ROR2: variants seen among roughly 807,000 people sequenced by gnomAD.
The protein encoded by ROR2 is tyrosine-protein kinase transmembrane receptor ROR2.
ROR2 carries 33 observed loss-of-function variants against 74.9 expected under a neutral mutation model. The ratio of observed to expected loss-of-function variants is 0.44; its 90% CI spans 0.33 to 0.59. The LOEUF (loss-of-function observed/expected upper bound fraction) is 0.59. Ranked by LOEUF, ROR2 falls within the 20% of genes least tolerant of loss-of-function variation. The probability of loss-of-function intolerance (pLI) is 0.02; values close to 1 mark genes in which losing one functional copy is unlikely to be tolerated. For synonymous variants in ROR2, 586 were observed against 558.7 expected (o/e 1.05, Z -0.69); for missense variants, 1,216 against 1,313.8 (o/e 0.93, Z 1.15).
In ROR2 at chr9:91,949,980, G is replaced by T. The variant is rs1433022010; in HGVS notation, c.-17C>A. On this transcript the variant is annotated 5_prime_UTR_variant, in exon 1 of 9. Coordinates refer to ENST00000375708, the MANE Select transcript of ROR2 (RefSeq NM_004560.4). The stretch of plus-strand genomic sequence containing the variant: ...CCGGGCCATGCCGCAGGCAGTGGGG[G>T]CCGGGAAGCCCTCAGAGCTTCGGGC... 8 of 1,407,240 alleles carry T rather than the reference G, an allele frequency of 5.7e-6. No individual in the cohort carries two copies. Among genetic ancestry groups the T allele is most frequent in the Non-Finnish European group, 2.8e-6 (3 of 1,080,080 alleles). The allele number at this position is 1,407,240 out of a possible 1,614,324, so 87.2% of individuals were successfully genotyped here. A position where few individuals can be genotyped will look rare whatever the true frequency, so the allele number is the denominator to read the frequency against.
chr9:91,947,540 A>G (rs1270768268), intron 1 of ROR2, among the ~76,000 whole-genome samples: 6 of 152,186 alleles, frequency 3.9e-5, no homozygotes, highest in African/African-American at 1.4e-4. Context: ...TTTCTTCTAG[A>G]CGGATCACTA....
chr9:91,907,807 A>G (rs1397080909), intron 1 of ROR2, among the ~76,000 whole-genome samples: 1 of 152,194 alleles, frequency 6.6e-6, no homozygotes, highest in Admixed American at 6.5e-5. Context: ...TTGAGTCATG[A>G]GCTTCCTGCC....
At chr9:91,814,542 T>C (rs1827865368) in intron 1 of ROR2, among the ~76,000 whole-genome samples, 1 of 152,140 alleles carries the variant, frequency 6.6e-6, no homozygotes, top group African/African-American at 2.4e-5. Context: ...AAAAATAACA[T>C]CACTATAAGC....
In ROR2 at chr9:91,724,260, C is replaced by G; in HGVS notation, c.2234G>C (p.Arg745Pro). 1.2e-6 allele frequency: 2 copies of G among 1,613,478 alleles called. No homozygotes were observed. The highest frequency in any genetic ancestry group is 1.7e-6 in the Non-Finnish European group (2 of 1,180,008). The change falls in exon 9 of 9, where the codon CGG (arginine) becomes CCG (proline). Residue 745 changes from arginine (R) to proline (P), a missense_variant. By Grantham distance (103) the Arg-to-Pro change is moderately radical (BLOSUM62 -2). Transcript: ENST00000375708. ...GGAAAGGTTGCCCCAGGCTCGGAGC[C>G]GGCTGTGGATGTCCTTGAAGCGGGG... The part of the protein sequence containing the change: ...RRPRFKDIHS[R>P]LRAWGNLSNY...
chr9:91,782,431 T>C (rs562822544), intron 1 of ROR2, among the ~76,000 whole-genome samples: 2 of 152,058 alleles, frequency 1.3e-5, no homozygotes, highest in African/African-American at 4.8e-5. Context: ...GAAAAGAAAC[T>C]GCATTATCCT....
chr9:91,793,470 C>CT (rs1396976086), intron 1 of ROR2, among the ~76,000 whole-genome samples: 4 of 151,800 alleles, frequency 2.6e-5, no homozygotes, highest in African/African-American at 9.7e-5. Flanking sequence ...CATGAGTGAA[C>CT]AGCTCTGTTC....
intron 1 of ROR2, among the ~76,000 whole-genome samples, chr9:91,880,696 A>G (rs1398157909): frequency 6.6e-6 from 1 of 152,260 alleles, no homozygotes; most frequent in African/African-American, 2.4e-5. Context: ...TGTTTCTGCA[A>G]TGGGCCTGCC....
rs894711143 is a variant in ROR2 at position 91,800,215 on chromosome 9, G to A, written c.98-24397C>T. ...AAATTAGCCGGGGGCGGTGGCACAC[G>A]CCTATAATCCCAGCTACTCAGGAGG... On this transcript the variant is annotated intron_variant, in intron 1 of 8. Transcript: ENST00000375708. 3.9e-5 allele frequency among the ~76,000 whole-genome samples: 6 copies of A among 151,954 alleles called. No individual in the cohort carries two copies. In the East Asian group the frequency reaches 7.7e-4, roughly 20 times the overall value.
chr9:91,941,732 T>C (rs1475310974), intron 1 of ROR2, among the ~76,000 whole-genome samples: 2 of 152,134 alleles, frequency 1.3e-5, no homozygotes, highest in Admixed American at 6.5e-5. Context: ...TGTGGTGTAC[T>C]GTATTGTACT....
At chr9:91,770,030 A>G (rs1826178772) in intron 2 of ROR2, among the ~76,000 whole-genome samples, 1 of 152,182 alleles carries the variant, frequency 6.6e-6, no homozygotes, top group Non-Finnish European at 1.5e-5. Flanking sequence ...CAGCAGTTCC[A>G]TGTGCATTTC....
intron 1 of ROR2, among the ~76,000 whole-genome samples, chr9:91,924,095 A>G (rs747823768): frequency 6.6e-6 from 1 of 152,206 alleles, no homozygotes; most frequent in Non-Finnish European, 1.5e-5. Context: ...GCTCTCCCCA[A>G]GCTGCTGTTC....
intron 1 of ROR2, chr9:91,948,942 A>G: frequency 9.1e-6 from 9 of 983,628 alleles, no homozygotes; most frequent in Non-Finnish European, 1.1e-5. Flanking sequence ...CGCCTCCTCC[A>G]GGCAACCTAG....
intron 1 of ROR2, among the ~76,000 whole-genome samples, chr9:91,776,386 G>A (rs769418428): frequency 1.4e-4 from 22 of 151,994 alleles, no homozygotes; most frequent in Non-Finnish European, 2.6e-4. Flanking sequence ...AAATTTACCC[G>A]TCCCCAAAAG....
At chr9:91,726,307 A>G (rs567829148) in intron 8 of ROR2, among the ~76,000 whole-genome samples, 2 of 152,296 alleles carry the variant, frequency 1.3e-5, no homozygotes, top group South Asian at 2.1e-4. Context: ...GTCCAGGCAG[A>G]AGGAGGCCCA....
intron 1 of ROR2, among the ~76,000 whole-genome samples, chr9:91,780,083 T>G (rs570938032): frequency 6.6e-6 from 1 of 152,310 alleles, no homozygotes; most frequent in South Asian, 2.1e-4. Context: ...AGGTGCAGAT[T>G]CTGAAGAATT....
intron 1 of ROR2, among the ~76,000 whole-genome samples, chr9:91,871,962 C>T (rs900313636): frequency 3.3e-5 from 5 of 152,098 alleles, no homozygotes; most frequent in Non-Finnish European, 7.3e-5. Flanking sequence ...CAGCATCTGA[C>T]GACAGCCACG....
chr9:91,916,797 C>T (rs1033946916), intron 1 of ROR2, among the ~76,000 whole-genome samples: 9 of 152,096 alleles, frequency 5.9e-5, no homozygotes, highest in Non-Finnish European at 8.8e-5. Flanking sequence ...TACAAAAATA[C>T]TTAACTACCA....
At chr9:91,791,319 T>C (rs1370308019) in intron 1 of ROR2, among the ~76,000 whole-genome samples, 1 of 152,232 alleles carries the variant, frequency 6.6e-6, no homozygotes, top group Admixed American at 6.5e-5. Flanking sequence ...GTTAATAGCC[T>C]TGAAGCAATA....
intron 1 of ROR2, chr9:91,948,737 G>C (rs1323380107): frequency 1.4e-5 from 14 of 985,342 alleles, no homozygotes; most frequent in Non-Finnish European, 1.7e-5. Flanking sequence ...GCAGGGATGG[G>C]GGATACTGAA....
Sources: allele counts gnomAD v4.1 joint callset (sites outside exome capture counted in the v4.1 genomes callset), GRCh38; gene constraint gnomAD v4.1.1; transcripts MANE v1.5; gene names NCBI Gene and HGNC (gene_info 2026-07-23, HGNC 2026-07-21).